AFG2A: variants seen among roughly 807,000 people sequenced by gnomAD.
AFG2A encodes the protein AAA ATPase AFG2A.
At chr4:122,923,297 T>C in the AFG2A span, 1 of 1,613,340 alleles carries the variant, frequency 6.2e-7, no homozygotes, top group African/African-American at 1.3e-5. Flanking sequence ...ACCAACTTAT[T>C]AGAAAAGGGT....
At chr4:123,114,865 C>T in the AFG2A span, among the ~76,000 whole-genome samples, 1 of 152,250 alleles carries the variant, frequency 6.6e-6, no homozygotes, top group Non-Finnish European at 1.5e-5. Flanking sequence ...AAACCCGATG[C>T]TCCCAGGGCT....
the AFG2A span, among the ~76,000 whole-genome samples, chr4:123,307,419 A>T: frequency 3.9e-5 from 6 of 152,054 alleles, no homozygotes; most frequent in African/African-American, 1.4e-4. Context: ...TACTTATCTC[A>T]TTAGGTTTTC....
chr4:122,942,476 G>A, the AFG2A span, among the ~76,000 whole-genome samples: 2 of 151,518 alleles, frequency 1.3e-5, no homozygotes, highest in African/African-American at 4.9e-5. Flanking sequence ...GATCGGTGCT[G>A]ATATCCCCTT....
the AFG2A span, chr4:123,256,071 C>A: frequency 5.0e-6 from 8 of 1,613,900 alleles, no homozygotes; most frequent in Non-Finnish European, 6.8e-6. Context: ...TTACCGGATG[C>A]AGCAACAAGA....
chr4:123,186,993 C>T, the AFG2A span, among the ~76,000 whole-genome samples: 1 of 151,984 alleles, frequency 6.6e-6, no homozygotes, highest in African/African-American at 2.4e-5. Flanking sequence ...CTAGACATTG[C>T]TTTATGAGGA....
chr4:122,986,078 G>A, the AFG2A span, among the ~76,000 whole-genome samples: 1 of 151,900 alleles, frequency 6.6e-6, no homozygotes, highest in Non-Finnish European at 1.5e-5. Flanking sequence ...GTATTTGCAT[G>A]GTTCTGAAGG....
At chr4:123,250,186 C>T in the AFG2A span, among the ~76,000 whole-genome samples, 1 of 152,022 alleles carries the variant, frequency 6.6e-6, no homozygotes, top group African/African-American at 2.4e-5. Context: ...TTTGATAGAA[C>T]ATGAAACTAT....
chr4:123,240,819 CT>C, the AFG2A span, among the ~76,000 whole-genome samples: 1 of 152,060 alleles, frequency 6.6e-6, no homozygotes, highest in African/African-American at 2.4e-5. Flanking sequence ...ACAAAAAACC[CT>C]TCAAAAAATC....
the AFG2A span, chr4:123,102,384 C>T: frequency 1.3e-5 from 2 of 151,266 alleles, no homozygotes; most frequent in Admixed American, 6.6e-5. Flanking sequence ...TGAAGTACAC[C>T]TTAACTTTTT....
the AFG2A span, among the ~76,000 whole-genome samples, chr4:123,079,313 T>C: frequency 1.3e-5 from 2 of 152,326 alleles, no homozygotes; most frequent in Admixed American, 1.3e-4. Context: ...ACTCAAGTAA[T>C]ACATTCACAC....
At chr4:123,279,141 C>T in the AFG2A span, among the ~76,000 whole-genome samples, 14 of 152,244 alleles carry the variant, frequency 9.2e-5, no homozygotes, top group African/African-American at 2.4e-4. Context: ...TTAGGCCAGG[C>T]GCGGTGGCTC....
chr4:123,104,216 C>CATT, the AFG2A span, among the ~76,000 whole-genome samples: 93 of 152,182 alleles, frequency 6.1e-4, 1 homozygote, highest in Non-Finnish European at 1.2e-3. Flanking sequence ...CAATCTTCCT[C>CATT]ATTATTATTA....
At chr4:123,060,159 G>C in the AFG2A span, among the ~76,000 whole-genome samples, 1 of 152,202 alleles carries the variant, frequency 6.6e-6, no homozygotes, top group South Asian at 2.1e-4. Context: ...CCTCCCTCTG[G>C]CTGCTTTCAC....
chr4:123,284,164 A>C, the AFG2A span, among the ~76,000 whole-genome samples: 3 of 152,058 alleles, frequency 2.0e-5, no homozygotes, highest in African/African-American at 7.2e-5. Context: ...CCTTTTCCCA[A>C]AATATTTTGT....
the AFG2A span, among the ~76,000 whole-genome samples, chr4:123,027,144 C>A: frequency 3.3e-5 from 5 of 151,722 alleles, no homozygotes; most frequent in Non-Finnish European, 7.4e-5. Context: ...ATATTTATGT[C>A]ATTAATTGAT....
chr4:123,137,713 C>T, the AFG2A span, among the ~76,000 whole-genome samples: 8 of 152,082 alleles, frequency 5.3e-5, no homozygotes, highest in African/African-American at 1.9e-4. Context: ...GGGTTTATGT[C>T]TGTGACTTTA....
chr4:123,017,149 G>A, the AFG2A span, among the ~76,000 whole-genome samples: 1 of 86,076 alleles, frequency 1.2e-5, no homozygotes, highest in Non-Finnish European at 2.8e-5. Context: ...GAGAGGGAGA[G>A]GGGGGAGAGG....
the AFG2A span, among the ~76,000 whole-genome samples, chr4:123,293,566 G>A: frequency 6.6e-6 from 1 of 152,154 alleles, no homozygotes; most frequent in Non-Finnish European, 1.5e-5. Flanking sequence ...GTCTACAAGG[G>A]ATCCAGTGAT....
chr4:123,008,811 T>G, the AFG2A span, among the ~76,000 whole-genome samples: 1 of 152,212 alleles, frequency 6.6e-6, no homozygotes, highest in Non-Finnish European at 1.5e-5. Context: ...GTTTGAGAAC[T>G]CCATCATAGG....
Sources: gnomAD v4.1 joint callset for allele counts (sites outside exome capture counted in the v4.1 genomes callset) on GRCh38, gnomAD v4.1.1 for gene constraint, MANE v1.5 for transcripts, NCBI Gene and HGNC (gene_info 2026-07-23, HGNC 2026-07-21) for gene names.